ADGRL2: variants seen among roughly 807,000 people sequenced by gnomAD.
ADGRL2 encodes the protein calcium-independent alpha-latrotoxin receptor 2.
A neutral mutation model predicts 157.4 loss-of-function variants in ADGRL2; 44 were observed. That is an observed-to-expected ratio of 0.28 (90% CI 0.22 to 0.36). ADGRL2 has a LOEUF of 0.36. ADGRL2 is among the 10% of genes least tolerant of loss of function. ADGRL2 has a pLI of 1.00. For missense variants in ADGRL2, 1,510 were observed against 1,768.9 expected (o/e 0.85, Z 2.63); for synonymous variants, 585 against 624.7 (o/e 0.94, Z 0.95).
At chr1:81,898,712 AC>A (rs2094437527) in intron 2 of ADGRL2, among the ~76,000 whole-genome samples, 1 of 152,168 alleles carries the variant, frequency 6.6e-6, no homozygotes, top group Admixed American at 6.6e-5. Flanking sequence ...ACTATCAGTG[AC>A]AACTTATCTT....
intron 2 of ADGRL2, among the ~76,000 whole-genome samples, chr1:81,545,507 C>A (rs148945589): frequency 0.024 from 3,697 of 152,200 alleles, 76 homozygotes; most frequent in Non-Finnish European, 0.035. Context: ...TCTTGAACTC[C>A]TGACCTCAAG....
rs190684308 is a variant in ADGRL2 at position 81,308,251 on chromosome 1, G to A, written c.-302+1742G>A. ...GGGCTAATTGAATTTATCTATTTGAGCCATGTAGTTGTCCGTGAATATCTT... is the reference window on the plus strand; with the variant it reads ...GGGCTAATTGAATTTATCTATTTGAACCATGTAGTTGTCCGTGAATATCTT... On this transcript the variant is annotated intron_variant, in intron 1 of 24. Transcript: ENST00000370721. Among the ~76,000 whole-genome samples, 207 of 152,224 alleles carry A rather than the reference G, an allele frequency of 1.4e-3. 1 individual carries two copies. The Middle Eastern group carries it at 0.02, about 15-fold the overall frequency.
intron 2 of ADGRL2, among the ~76,000 whole-genome samples, chr1:81,903,732 TTATATATAC>T (rs1557878973): frequency 6.9e-6 from 1 of 143,896 alleles, no homozygotes; most frequent in Non-Finnish European, 1.5e-5. Flanking sequence ...TATATATACA[TTATATATAC>T]ACATTATATA....
At chr1:81,769,037 C>T (rs372116269) in intron 2 of ADGRL2, among the ~76,000 whole-genome samples, 96 of 152,090 alleles carry the variant, frequency 6.3e-4, no homozygotes, top group African/African-American at 1.9e-3. Context: ...GAGTAGAGAT[C>T]GCGGCACTGC....
intron 1 of ADGRL2, among the ~76,000 whole-genome samples, chr1:81,812,404 C>A (rs2089968753): frequency 6.6e-6 from 1 of 151,500 alleles, no homozygotes; most frequent in Admixed American, 6.6e-5. Flanking sequence ...TTATCATTTC[C>A]TTTATTCATA....
chr1:81,745,032 A>C (rs2085198733), intron 1 of ADGRL2, among the ~76,000 whole-genome samples: 1 of 152,144 alleles, frequency 6.6e-6, no homozygotes, highest in African/African-American at 2.4e-5. Context: ...CAACAGAAAA[A>C]CAAGGGATGG....
intron 2 of ADGRL2, among the ~76,000 whole-genome samples, chr1:81,479,112 A>G (rs903248292): frequency 2.0e-5 from 3 of 152,134 alleles, no homozygotes; most frequent in East Asian, 1.9e-4. Context: ...ACCAATTTGT[A>G]TATCTCTTGG....
At chr1:81,695,219 CA>C (rs1413850514), upstream of ADGRL2, among the ~76,000 whole-genome samples, 1 of 151,652 alleles carries the variant, frequency 6.6e-6, no homozygotes, top group Non-Finnish European at 1.5e-5. Flanking sequence ...GCTTACCTAC[CA>C]AAAATAATCT....
At chr1:81,695,882 T>G (rs1022514241), upstream of ADGRL2, among the ~76,000 whole-genome samples, 14 of 152,000 alleles carry the variant, frequency 9.2e-5, no homozygotes, top group African/African-American at 3.1e-4. Flanking sequence ...GCTGTATTCC[T>G]CTGTTGTGTT....
chr1:81,789,245 A>G (rs937604281), intron 2 of ADGRL2, among the ~76,000 whole-genome samples: 2 of 152,178 alleles, frequency 1.3e-5, no homozygotes, highest in Non-Finnish European at 2.9e-5. Context: ...TTACAGTCAC[A>G]TGGGGAAGAG....
rs371103366 is a variant in ADGRL2 at position 81,775,048 on chromosome 1, G to A, written c.-101+13196G>A. Among the ~76,000 whole-genome samples the A allele has an allele frequency of 1.6e-4, 24 of 152,148 alleles. No homozygotes were observed. The East Asian group carries it at 1.9e-3, about 12-fold the overall frequency. On this transcript the variant is annotated intron_variant, in intron 2 of 20. Coordinates refer to the ADGRL2 transcript ENST00000359929. ...TTATTTCTCTTGTAGTTGTTTTGTG[G>A]CCTAACACTATTCATATCGATATAA...
intron 3 of ADGRL2, among the ~76,000 whole-genome samples, chr1:81,618,457 A>G (rs1452464056): frequency 1.3e-5 from 2 of 152,188 alleles, no homozygotes; most frequent in Non-Finnish European, 2.9e-5. Flanking sequence ...ATCCTTCCCC[A>G]GGCACTAGCA....
intron 1 of ADGRL2, among the ~76,000 whole-genome samples, chr1:81,399,615 C>T (rs888467939): frequency 6.6e-6 from 1 of 152,134 alleles, no homozygotes; most frequent in Non-Finnish European, 1.5e-5. Flanking sequence ...AATTCTTCAG[C>T]TGCACAATTT....
intron 1 of ADGRL2, among the ~76,000 whole-genome samples, chr1:81,435,397 T>G (rs2077390793): frequency 6.6e-6 from 1 of 152,172 alleles, no homozygotes; most frequent in African/African-American, 2.4e-5. Context: ...CCACCTCCAA[T>G]CTCTCTGTGA....
intron 2 of ADGRL2, among the ~76,000 whole-genome samples, chr1:81,874,996 C>T (rs1024544815): frequency 3.9e-5 from 6 of 152,098 alleles, no homozygotes; most frequent in African/African-American, 1.4e-4. Context: ...TATGAGCCAT[C>T]GAACCTGACC....
chr1:81,526,529 A>C (rs191800488), intron 2 of ADGRL2, among the ~76,000 whole-genome samples: 1 of 152,372 alleles, frequency 6.6e-6, no homozygotes, highest in East Asian at 1.9e-4. Context: ...ATGTCATTAC[A>C]CATCTTCAAA....
intron 3 of ADGRL2, among the ~76,000 whole-genome samples, chr1:81,921,061 T>C (rs567095407): frequency 3.4e-4 from 52 of 152,270 alleles, no homozygotes; most frequent in African/African-American, 1.3e-3. Context: ...GCCTTGGCTA[T>C]AGAGGTTTAG....
chr1:81,943,774 G>A lies in ADGRL2; in HGVS notation c.1210+5G>A, dbSNP rs751158276. ...GTCCACCTGATCCTGCCCAAGGTAA[G>A]CGTGTTTACTTGCTAATGCTTATGT... On this transcript the variant is annotated splice_donor_5th_base_variant and intron_variant, in intron 6 of 23. Transcript: ENST00000686636. The surrounding 1 kb of genome is among the most constrained non-coding windows in gnomAD (Gnocchi z 5.6). 13 of 1,606,184 alleles carry A rather than the reference G, an allele frequency of 8.1e-6. 1 individual carries two copies. Among genetic ancestry groups the A allele is most frequent in the South Asian group, 6.6e-5 (6 of 90,778 alleles).
intron 1 of ADGRL2, among the ~76,000 whole-genome samples, chr1:81,734,565 A>C (rs1186627797): frequency 6.8e-6 from 1 of 147,152 alleles, no homozygotes; most frequent in Non-Finnish European, 1.5e-5. Context: ...TGTTGTTTTA[A>C]GCCACCCAGT....
Sources: allele counts gnomAD v4.1 joint callset (sites outside exome capture counted in the v4.1 genomes callset), GRCh38; gene constraint gnomAD v4.1.1; non-coding constraint Gnocchi (gnomAD v3.1); transcripts MANE v1.5; gene names NCBI Gene and HGNC (gene_info 2026-07-23, HGNC 2026-07-21).